GLB1L2: variants seen among roughly 807,000 people sequenced by gnomAD.
GLB1L2 encodes galactosidase beta 1 like 2, also known as beta-galactosidase-1-like protein 2.
A neutral mutation model predicts 84.1 loss-of-function variants in GLB1L2; 68 were observed. That is an observed-to-expected ratio of 0.81 (90% CI 0.67 to 0.99). GLB1L2 has a LOEUF of 0.99. Among genes scored for constraint, GLB1L2 ranks in the 50% least tolerant of loss-of-function variants. GLB1L2 has a pLI of 0.00. For synonymous variants in GLB1L2, 290 were observed against 318.0 expected (o/e 0.91, Z 0.94); for missense variants, 762 against 805.6 (o/e 0.95, Z 0.66).
In GLB1L2 at chr11:134,367,353, C is replaced by T. The variant is rs186554320; in HGVS notation, c.889+12C>T. On this transcript the variant is annotated intron_variant, in intron 9 of 18. Transcript: ENST00000535456. Reference sequence around the variant, plus strand: ...CTTGGATTCTTCTGGTGAGTGCTTGCGGTGACTACATCCAGAATGTGTGCT... The same window carrying T: ...CTTGGATTCTTCTGGTGAGTGCTTGTGGTGACTACATCCAGAATGTGTGCT... The T allele has an allele frequency of 1.9e-3, 2,990 of 1,605,894 alleles. 6 individuals are homozygous for T. Among genetic ancestry groups the T allele is most frequent in the Middle Eastern group, 5.0e-3 (30 of 5,978 alleles).
chr11:134,356,315 A>G lies in GLB1L2; in HGVS notation c.573A>G (p.Gly191=), dbSNP rs1361049823. Residue 191 remains glycine, a synonymous_variant, in exon 6 of 19, where the codon GGA becomes GGG. Coordinates refer to ENST00000535456, the MANE Select transcript of GLB1L2 (RefSeq NM_001370461.1). ...TTTCTCCGCAGTACAAGCGTGGGGG[A>G]CCTATCATTGCCGTGCAGGTGGAGA... The part of the protein sequence containing the change: ...RVVPLQYKRG[G]PIIAVQVENE... 2 of 1,613,702 alleles carry G rather than the reference A, an allele frequency of 1.2e-6. No individual in the cohort carries two copies. Among genetic ancestry groups the G allele is most frequent in the Non-Finnish European group, 1.7e-6 (2 of 1,179,846 alleles).
intron 5 of GLB1L2, among the ~76,000 whole-genome samples, chr11:134,351,341 C>CTTT (rs1456314422): frequency 7.8e-6 from 1 of 127,688 alleles, no homozygotes; most frequent in African/African-American, 3.1e-5. Flanking sequence ...GATTCTTTTT[C>CTTT]TTTCTTTTTT....
intron 6 of GLB1L2, among the ~76,000 whole-genome samples, chr11:134,357,290 G>A (rs1055753029): frequency 3.9e-5 from 6 of 152,362 alleles, no homozygotes; most frequent in African/African-American, 1.4e-4. Flanking sequence ...CTCCACGTGG[G>A]AGACCGAGGC....
chr11:134,374,816 C>G, intron 18 of GLB1L2, 98 bp downstream of exon 18: 1 of 1,181,266 alleles, frequency 8.5e-7, no homozygotes, highest in South Asian at 1.3e-5. Context: ...TCAGCGGGTT[C>G]TTCCTCCCTC....
intron 4 of GLB1L2, 74 bp from the exon 5 acceptor site, chr11:134,347,251 A>G (rs1943564432): frequency 9.3e-7 from 1 of 1,074,290 alleles, no homozygotes; most frequent in Admixed American, 1.7e-5. Flanking sequence ...CTCCCTTCTC[A>G]CGCATCAACA....
In GLB1L2 at chr11:134,364,573, C is replaced by T. The variant is rs950946435; in HGVS notation, c.804+175C>T. 11 of 606,566 alleles carry T rather than the reference C, an allele frequency of 1.8e-5. No homozygotes were observed. The African/African-American group carries it at 2.0e-4, about 11-fold the overall frequency. 37.6% of individuals were successfully genotyped at this position (606,566 alleles called of 1,614,324 possible). A position where few individuals can be genotyped will look rare whatever the true frequency, so the allele number is the denominator to read the frequency against. On this transcript the variant is annotated intron_variant, in intron 8 of 18. Transcript: ENST00000535456. ...TGCAAGGCCCGCTGCCCAGAAACACCTCTGAGGGCTGCTGTGTAGGCTGAT... is the reference window on the plus strand; with the variant it reads ...TGCAAGGCCCGCTGCCCAGAAACACTTCTGAGGGCTGCTGTGTAGGCTGAT...
In GLB1L2 at chr11:134,370,375, G is replaced by A; in HGVS notation, c.1191G>A (p.Trp397Ter). ...CGCCAGTCTTGTACCTGTCTCTGTG[G>A]GACGCCCTCAAGTACCTGGGGGAGG... ...PLTPVLYLSL[W>*]DALKYLGEPI... is the part of the protein sequence containing the mutation. The change falls in exon 12 of 19, where the codon TGG becomes TGA. Residue 397 changes from tryptophan (W) to a stop codon, truncating the protein, a stop_gained. Transcript: ENST00000535456. LOFTEE classifies it high-confidence loss of function. The surrounding 1 kb of genome is among the most constrained non-coding windows in gnomAD (Gnocchi z 4.7). 6.2e-7 allele frequency: 1 copy of A among 1,613,726 alleles called. No individual in the cohort carries two copies. The highest frequency in any genetic ancestry group is 1.3e-5 in the African/African-American group (1 of 74,984).
At chr11:134,367,471 G>A (rs987428610) in intron 9 of GLB1L2, 130 bp downstream of exon 9, 4 of 700,522 alleles carry the variant, frequency 5.7e-6, no homozygotes, top group African/African-American at 3.6e-5. Context: ...TGCAGAAGTT[G>A]GCTTTGGATA....
At chr11:134,337,237 C>T (rs1406971778) in intron 1 of GLB1L2, among the ~76,000 whole-genome samples, 1 of 152,214 alleles carries the variant, frequency 6.6e-6, no homozygotes, top group Admixed American at 6.5e-5. Context: ...GTGCTGTGGA[C>T]CTCTTGCTGG....
At chr11:134,352,925 G>A (rs190521041) in intron 5 of GLB1L2, among the ~76,000 whole-genome samples, 23 of 152,258 alleles carry the variant, frequency 1.5e-4, no homozygotes, top group Middle Eastern at 3.4e-3. Context: ...TGGGATTACA[G>A]GCGTGAGCCA....
chr11:134,344,757 T>G (rs967673783), intron 3 of GLB1L2, among the ~76,000 whole-genome samples: 4 of 152,224 alleles, frequency 2.6e-5, no homozygotes, highest in African/African-American at 9.6e-5. Context: ...GCGGCCCCTC[T>G]AGGCTAGCAA....
chr11:134,361,758 G>T (rs1001946026), intron 7 of GLB1L2, among the ~76,000 whole-genome samples: 1 of 152,088 alleles, frequency 6.6e-6, no homozygotes, highest in African/African-American at 2.4e-5. Flanking sequence ...CATGGTGGGG[G>T]GTCTGCTGCT....
At chr11:134,374,078 T>C in intron 16 of GLB1L2, 67 bp from the exon 17 acceptor site, 1 of 1,211,562 alleles carries the variant, frequency 8.3e-7, no homozygotes, top group South Asian at 1.2e-5. Flanking sequence ...GGCCTTTTAT[T>C]TTGCTTTATT....
Position 134,375,075 on chromosome 11 carries a change from C to G in GLB1L2, c.*17C>G, listed in dbSNP as rs1324367576. On this transcript the variant is annotated 3_prime_UTR_variant, in exon 19 of 19. Transcript: ENST00000535456. Reference sequence around the variant, plus strand: ...ATTAAGTGAGCGGTGGCACCCCCTCCTGCTGGTGCCAGTGGGAGACTGCCG... The same window carrying G: ...ATTAAGTGAGCGGTGGCACCCCCTCGTGCTGGTGCCAGTGGGAGACTGCCG... 6.2e-7 allele frequency: 1 copy of G among 1,604,830 alleles called. No individual in the cohort carries two copies. The highest frequency in any genetic ancestry group is 1.3e-5 in the African/African-American group (1 of 74,826).
chr11:134,358,088 G>A (rs2136278034), intron 6 of GLB1L2, among the ~76,000 whole-genome samples: 1 of 152,292 alleles, frequency 6.6e-6, no homozygotes, highest in South Asian at 2.1e-4. Flanking sequence ...CCCGCGTGTG[G>A]GACTGGACAC....
intron 7 of GLB1L2, among the ~76,000 whole-genome samples, chr11:134,362,764 A>AG (rs1943813627): frequency 6.6e-6 from 1 of 152,090 alleles, no homozygotes; most frequent in Admixed American, 6.5e-5. Flanking sequence ...GCCCCCGAGG[A>AG]GGGGATGGGC....
At chr11:134,360,844 G>C (rs564955955) in intron 7 of GLB1L2, 1 of 152,222 alleles carries the variant, frequency 6.6e-6, no homozygotes, top group South Asian at 2.1e-4. Flanking sequence ...ATACAGCCCT[G>C]CATCGTTTGC....
chr11:134,340,615 G>C (rs1186075816), intron 1 of GLB1L2, among the ~76,000 whole-genome samples: 3 of 152,220 alleles, frequency 2.0e-5, no homozygotes, highest in Non-Finnish European at 2.9e-5. Flanking sequence ...GGCCCAGAGG[G>C]GCCGAGGCCT....
intron 4 of GLB1L2, chr11:134,346,575 C>T (rs528553330): frequency 1.8e-4 from 27 of 152,544 alleles, no homozygotes; most frequent in African/African-American, 5.5e-4. Flanking sequence ...GCTCTCTCCT[C>T]ACCCCTTGTT....
Sources: allele counts gnomAD v4.1 joint callset (sites outside exome capture counted in the v4.1 genomes callset), GRCh38; gene constraint gnomAD v4.1.1; non-coding constraint Gnocchi (gnomAD v3.1); transcripts MANE v1.5; gene names NCBI Gene and HGNC (gene_info 2026-07-23, HGNC 2026-07-21).